The following KCNH7 variants were observed in gnomAD, a reference collection of about 807,000 sequenced individuals.
KCNH7 encodes the protein potassium voltage-gated channel subfamily H member 7.
Under a neutral mutation model 120.8 loss-of-function variants are expected in KCNH7, and 49 were observed. That is an observed-to-expected ratio of 0.41 (90% CI 0.32 to 0.51). KCNH7 has a LOEUF of 0.51. Ranked by LOEUF, KCNH7 falls within the 20% of genes least tolerant of loss-of-function variation. KCNH7 has a pLI of 0.38. For missense variants in KCNH7, 1,097 were observed against 1,446.6 expected (o/e 0.76, Z 3.92); for synonymous variants, 547 against 516.1 (o/e 1.06, Z -0.81).
At chr2:162,560,955 G>T (rs534637487) in intron 2 of KCNH7, among the ~76,000 whole-genome samples, 2 of 152,202 alleles carry the variant, frequency 1.3e-5, no homozygotes, top group South Asian at 4.2e-4. Context: ...CAGTATGTTA[G>T]TGTCCACAAG....
chr2:162,586,290 A>T (rs1352302347), intron 2 of KCNH7, among the ~76,000 whole-genome samples: 1 of 152,092 alleles, frequency 6.6e-6, no homozygotes, highest in East Asian at 1.9e-4. Flanking sequence ...ATGAGACCTC[A>T]AAAGGCCTTC....
chr2:162,505,583 T>C (rs1278238416), intron 5 of KCNH7, among the ~76,000 whole-genome samples: 1 of 151,896 alleles, frequency 6.6e-6, no homozygotes, highest in Non-Finnish European at 1.5e-5. Context: ...ATGAATCTGT[T>C]GTCTGTTGCT....
chr2:162,382,674 C>T (rs1686454510), intron 13 of KCNH7, among the ~76,000 whole-genome samples: 1 of 151,982 alleles, frequency 6.6e-6, no homozygotes, highest in Admixed American at 6.6e-5. Context: ...GAGTGAGTGA[C>T]ATGTCCTATT....
chr2:162,499,649 G>A (rs1291786164), intron 6 of KCNH7, among the ~76,000 whole-genome samples: 1 of 152,092 alleles, frequency 6.6e-6, no homozygotes, highest in African/African-American at 2.4e-5. Flanking sequence ...GATTTCAGAA[G>A]GAAGGCATTT....
chr2:162,807,280 A>AAAAAAAAAAAAAAAAC (rs1559143095), intron 2 of KCNH7, among the ~76,000 whole-genome samples: 1 of 144,446 alleles, frequency 6.9e-6, no homozygotes, highest in South Asian at 2.3e-4. Context: ...AAAAAAAAAA[A>AAAAAAAAAAAAAAAAC]AAACAAATTA....
intron 2 of KCNH7, among the ~76,000 whole-genome samples, chr2:162,753,030 A>C (rs1328588512): frequency 1.4e-5 from 2 of 140,040 alleles, no homozygotes; most frequent in Non-Finnish European, 3.1e-5. Flanking sequence ...AAAGAAAAGA[A>C]ACCCTGACTA....
At chr2:162,382,577 G>A (rs1328770418) in intron 13 of KCNH7, among the ~76,000 whole-genome samples, 2 of 152,048 alleles carry the variant, frequency 1.3e-5, no homozygotes, top group African/African-American at 4.8e-5. Flanking sequence ...AGTAGGAACA[G>A]AGTCCATTTA....
chr2:162,520,126 G>A (rs1357490841), intron 3 of KCNH7, among the ~76,000 whole-genome samples: 1 of 123,864 alleles, frequency 8.1e-6, no homozygotes, highest in Non-Finnish European at 1.6e-5. Context: ...AACAAGTCCA[G>A]TTTCATAATC....
At chr2:162,571,655 G>T (rs1472760078) in intron 2 of KCNH7, among the ~76,000 whole-genome samples, 4 of 146,634 alleles carry the variant, frequency 2.7e-5, no homozygotes, top group Non-Finnish European at 5.9e-5. Context: ...ATACTACAAG[G>T]CTACAGTAAC....
At chr2:162,775,221 T>C (rs1012912031) in intron 2 of KCNH7, among the ~76,000 whole-genome samples, 1 of 152,218 alleles carries the variant, frequency 6.6e-6, no homozygotes, top group African/African-American at 2.4e-5. Context: ...TATCTGATTG[T>C]GTTAGTCTGT....
At chr2:162,679,943 T>C (rs968760798) in intron 2 of KCNH7, among the ~76,000 whole-genome samples, 2 of 151,768 alleles carry the variant, frequency 1.3e-5, no homozygotes. Context: ...TTTTGTTTTA[T>C]AAAAGTGGAA....
rs150228565 is a variant in KCNH7, at chr2:162,749,261, T to C, written c.307+87276A>G. Among the ~76,000 whole-genome samples, 1,115 of 151,902 alleles carry C rather than the reference T, an allele frequency of 7.3e-3. 19 individuals are homozygous for C. Among genetic ancestry groups the C allele is most frequent in the African/African-American group, 0.025 (1,029 of 41,358 alleles). On this transcript the variant is annotated intron_variant, in intron 2 of 15. Coordinates refer to ENST00000332142, the MANE Select transcript of KCNH7 (RefSeq NM_033272.4). ...AGATCTACCCAGTTAAGACTTTCGA[T>C]CACCTTTTTTTTAAACACACTGCAC...
At chr2:162,646,977 A>C (rs919940251) in intron 2 of KCNH7, among the ~76,000 whole-genome samples, 51 of 152,194 alleles carry the variant, frequency 3.4e-4, no homozygotes, top group Admixed American at 1.8e-3. Flanking sequence ...CTGATCTGAT[A>C]ACCTTGTGGT....
intron 12 of KCNH7, among the ~76,000 whole-genome samples, chr2:162,393,194 A>G (rs1474116856): frequency 6.6e-6 from 1 of 151,972 alleles, no homozygotes; most frequent in Non-Finnish European, 1.5e-5. Context: ...CCATCTGCAG[A>G]GGCATGGGAA....
intron 2 of KCNH7, among the ~76,000 whole-genome samples, chr2:162,653,425 A>G (rs927738341): frequency 6.6e-6 from 1 of 152,222 alleles, no homozygotes; most frequent in Admixed American, 6.5e-5. Flanking sequence ...TAGCAGTTCT[A>G]TACATGAACA....
intron 2 of KCNH7, among the ~76,000 whole-genome samples, chr2:162,624,356 A>G (rs1416471988): frequency 6.6e-6 from 1 of 152,126 alleles, no homozygotes; most frequent in Non-Finnish European, 1.5e-5. Context: ...TGCATCCACT[A>G]AAAGTCTTGG....
In KCNH7 at chr2:162,678,612, C is replaced by G. The variant is rs143738009; in HGVS notation, c.308-141532G>C. Among the ~76,000 whole-genome samples the G allele has an allele frequency of 6.1e-4, 92 of 151,546 alleles. 1 individual carries two copies. Among genetic ancestry groups the G allele is most frequent in the African/African-American group, 2.2e-3 (91 of 41,452 alleles). On this transcript the variant is annotated intron_variant, in intron 2 of 15. Coordinates refer to ENST00000332142, the MANE Select transcript of KCNH7 (RefSeq NM_033272.4). The stretch of plus-strand genomic sequence containing the variant: ...CATTAGAGAACATATCAAACTCAAA[C>G]GAATATTCTGGGGTCTTTTTCTGTG...
At chr2:162,520,164 T>A (rs1025412143) in intron 3 of KCNH7, among the ~76,000 whole-genome samples, 2 of 146,374 alleles carry the variant, frequency 1.4e-5, no homozygotes, top group African/African-American at 2.5e-5. Flanking sequence ...GCTTTTTTTT[T>A]TTTTTTTTTT....
intron 9 of KCNH7, among the ~76,000 whole-genome samples, chr2:162,412,314 T>C (rs1687414391): frequency 6.6e-6 from 1 of 152,116 alleles, no homozygotes. Flanking sequence ...GATTTTGTTT[T>C]TTAAGATATA....
Sources: allele counts gnomAD v4.1 joint callset (sites outside exome capture counted in the v4.1 genomes callset), GRCh38; gene constraint gnomAD v4.1.1; transcripts MANE v1.5; gene names NCBI Gene and HGNC (gene_info 2026-07-23, HGNC 2026-07-21).